The following ZNF423 variants were observed in gnomAD, a reference collection of about 807,000 sequenced individuals.
The protein encoded by ZNF423 is zinc finger protein 423.
ZNF423 carries 12 observed loss-of-function variants against 95.8 expected under a neutral mutation model. The ratio of observed to expected loss-of-function variants is 0.13; its 90% CI spans 0.08 to 0.20. The LOEUF is 0.20. ZNF423 is among the 10% of genes least tolerant of loss of function. ZNF423 has a pLI of 1.00. For synonymous variants in ZNF423, 749 were observed against 711.9 expected, an observed-to-expected ratio of 1.05 and a Z score of -0.83; for missense variants, 1,316 against 1,737.1, an observed-to-expected ratio of 0.76 and a Z score of 4.31.
chr16:49,779,817 G>A (rs2034179820), intron 2 of ZNF423, among the ~76,000 whole-genome samples: 1 of 152,198 alleles, frequency 6.6e-6, no homozygotes, highest in Non-Finnish European at 1.5e-5. Flanking sequence ...CAGCTTTGGA[G>A]AAAGTAGGAC....
At chr16:49,643,862 AG>A (rs1973068244) in intron 3 of ZNF423, among the ~76,000 whole-genome samples, 1 of 152,240 alleles carries the variant, frequency 6.6e-6, no homozygotes, top group Non-Finnish European at 1.5e-5. Context: ...AGTTGAAAAA[AG>A]AACATTAACT....
At chr16:49,654,110 A>G (rs1046400928) in intron 3 of ZNF423, among the ~76,000 whole-genome samples, 6 of 152,214 alleles carry the variant, frequency 3.9e-5, no homozygotes, top group Non-Finnish European at 2.9e-5. Flanking sequence ...TTCCACAGCA[A>G]TTAAGTAGAA....
At chr16:49,856,342 G>A (rs1306756394), upstream of ZNF423, among the ~76,000 whole-genome samples, 1 of 149,120 alleles carries the variant, frequency 6.7e-6, no homozygotes, top group Non-Finnish European at 1.5e-5. Context: ...ATCTGAGGAG[G>A]GGGAACGGGG....
intron 1 of ZNF423, among the ~76,000 whole-genome samples, chr16:49,790,925 G>A (rs969655632): frequency 1.1e-4 from 17 of 152,308 alleles, no homozygotes; most frequent in African/African-American, 3.6e-4. Context: ...TCATCTGCTA[G>A]AACAGTGGCC....
intron 2 of ZNF423, among the ~76,000 whole-genome samples, chr16:49,755,805 GATGGTA>G (rs535710664): frequency 6.6e-6 from 1 of 152,198 alleles, no homozygotes; most frequent in Non-Finnish European, 1.5e-5. Flanking sequence ...CCCAGATGCT[GATGGTA>G]ATAAAATGCC....
intron 7 of ZNF423, among the ~76,000 whole-genome samples, chr16:49,522,041 G>A (rs1019637008): frequency 6.6e-6 from 1 of 152,234 alleles, no homozygotes; most frequent in Admixed American, 6.5e-5. Context: ...GCACCACTGT[G>A]GCCATTCAAG....
At chr16:49,495,058 C>T (rs561396513) in intron 7 of ZNF423, among the ~76,000 whole-genome samples, 1 of 152,334 alleles carries the variant, frequency 6.6e-6, no homozygotes, top group South Asian at 2.1e-4. Flanking sequence ...GGGGTGGAGA[C>T]AGGGGCCCAG....
At chr16:49,536,276 C>T (rs1218763226) in intron 5 of ZNF423, among the ~76,000 whole-genome samples, 2 of 152,190 alleles carry the variant, frequency 1.3e-5, no homozygotes, top group Non-Finnish European at 2.9e-5. Flanking sequence ...CAAAGTCCAC[C>T]TTGACCTGGG....
At chr16:49,531,663 C>T (rs1968850852) in intron 5 of ZNF423, among the ~76,000 whole-genome samples, 2 of 152,186 alleles carry the variant, frequency 1.3e-5, no homozygotes, top group African/African-American at 4.8e-5. Context: ...ATTAACCAGT[C>T]CAGGCTGAAG....
intron 1 of ZNF423, among the ~76,000 whole-genome samples, chr16:49,850,453 A>G (rs1482416554): frequency 6.6e-6 from 1 of 152,364 alleles, no homozygotes; most frequent in Non-Finnish European, 1.5e-5. Flanking sequence ...TGGGGACCCC[A>G]CTAACAGTTT....
chr16:49,687,468 G>A (rs943041923), intron 3 of ZNF423, among the ~76,000 whole-genome samples: 1 of 152,148 alleles, frequency 6.6e-6, no homozygotes, highest in Non-Finnish European at 1.5e-5. Context: ...GATTATGCCC[G>A]CGTTTAAAAA....
chr16:49,744,810 G>A (rs977397201), intron 2 of ZNF423, among the ~76,000 whole-genome samples: 2 of 152,110 alleles, frequency 1.3e-5, no homozygotes, highest in South Asian at 2.1e-4. Flanking sequence ...ACATGCACAC[G>A]CACACCCCAC....
chr16:49,737,351 CCT>C (rs2033311792), intron 2 of ZNF423, among the ~76,000 whole-genome samples: 3 of 152,122 alleles, frequency 2.0e-5, no homozygotes, highest in Admixed American at 2.0e-4. Flanking sequence ...CTCACGGCAA[CCT>C]CTGTCTTCCA....
At chr16:49,775,335 C>T (rs2034103063) in intron 2 of ZNF423, among the ~76,000 whole-genome samples, 1 of 152,200 alleles carries the variant, frequency 6.6e-6, no homozygotes, top group Non-Finnish European at 1.5e-5. Flanking sequence ...GATTCTATTT[C>T]TCTTTGGGCC....
chr16:49,780,335 T>C (rs2034190415), intron 2 of ZNF423, among the ~76,000 whole-genome samples: 1 of 152,138 alleles, frequency 6.6e-6, no homozygotes, highest in Non-Finnish European at 1.5e-5. Context: ...TGCCACCTCC[T>C]CCTCAGAGAA....
rs531865648 is a variant in ZNF423, at chr16:49,655,588, T to A, written c.302-16714A>T. ...TGGACAGCAGAAGTATCAACTCCCC[T>A]CACAAGGATCCCTGCTGGGGCACTG... On this transcript the variant is annotated intron_variant, in intron 3 of 7. Transcript: ENST00000563137. 3.9e-5 allele frequency among the ~76,000 whole-genome samples: 6 copies of A among 152,188 alleles called. No individual in the cohort carries two copies. The East Asian group carries it at 1.2e-3, about 29-fold the overall frequency.
intron 7 of ZNF423, among the ~76,000 whole-genome samples, chr16:49,491,800 C>T (rs1718093785): frequency 6.6e-6 from 1 of 152,166 alleles, no homozygotes; most frequent in Non-Finnish European, 1.5e-5. Context: ...AGCTCTCCGG[C>T]CAAGAAACAC....
chr16:49,734,501 T>C (rs1463984838), intron 2 of ZNF423, among the ~76,000 whole-genome samples: 2 of 152,220 alleles, frequency 1.3e-5, no homozygotes, highest in Non-Finnish European at 2.9e-5. Context: ...GCTCAATGCT[T>C]TTCTGCAGAG....
chr16:49,560,174 A>G (rs908249825), intron 5 of ZNF423, among the ~76,000 whole-genome samples: 4 of 152,192 alleles, frequency 2.6e-5, no homozygotes, highest in South Asian at 2.1e-4. Context: ...CACGGCAGTG[A>G]CGACAGCTGT....
Sources: allele counts gnomAD v4.1 joint callset (sites outside exome capture counted in the v4.1 genomes callset), GRCh38; gene constraint gnomAD v4.1.1; transcripts MANE v1.5; gene names NCBI Gene and HGNC (gene_info 2026-07-23, HGNC 2026-07-21).